The following HPS3 variants were observed in gnomAD, a reference collection of about 807,000 sequenced individuals.
The protein encoded by HPS3 is HPS3 biogenesis of lysosomal organelles complex 2 subunit 1.
A neutral mutation model predicts 110.9 loss-of-function variants in HPS3; 79 were observed. That is an observed-to-expected ratio of 0.71 (90% CI 0.59 to 0.86). HPS3 has a LOEUF of 0.86. Among genes scored for constraint, HPS3 ranks in the 40% least tolerant of loss-of-function variants. The pLI, the probability that HPS3 is intolerant of heterozygous loss-of-function variation, is 0.00. For missense variants in HPS3, 1,197 were observed against 1,206.2 expected, an observed-to-expected ratio of 0.99 and a Z score of 0.11; for synonymous variants, 428 against 451.0, an observed-to-expected ratio of 0.95 and a Z score of 0.65.
chr3:149,153,552 T>G lies in HPS3; in HGVS notation c.1304T>G (p.Leu435Trp). The G allele has an allele frequency of 6.2e-7, 1 of 1,614,012 alleles. No individual in the cohort carries two copies. Among genetic ancestry groups the G allele is most frequent in the Middle Eastern group, 1.6e-4 (1 of 6,062 alleles). The change falls in exon 7 of 17, where the codon TTG becomes TGG. Residue 435 changes from leucine to tryptophan, a missense_variant. Coordinates refer to ENST00000296051, the MANE Select transcript of HPS3 (RefSeq NM_032383.5). ...TTAAGAATACAGCTTTTCATAGGCT[T>G]GAAAGCCATCTGTCACTTTAAAAAC... Reference protein sequence around the residue: ...CALRIQLFIGLKAICHFKNHI... With the variant: ...CALRIQLFIGWKAICHFKNHI...
intron 16 of HPS3, among the ~76,000 whole-genome samples, chr3:149,169,599 T>G (rs1229667518): frequency 6.6e-6 from 1 of 152,198 alleles, no homozygotes; most frequent in Non-Finnish European, 1.5e-5. Flanking sequence ...TCTCTACTCA[T>G]TAGATGCCAA....
rs201468240 is a variant in HPS3, at chr3:149,158,659, C to T, written c.1692-7C>T. 3 of 1,612,846 alleles carry T rather than the reference C, an allele frequency of 1.9e-6. No homozygotes were observed. The highest frequency in any genetic ancestry group is 2.5e-6 in the Non-Finnish European group (3 of 1,179,050). On this transcript the variant is annotated splice_polypyrimidine_tract_variant and splice_region_variant and intron_variant, in intron 9 of 16. Coordinates refer to ENST00000296051, the MANE Select transcript of HPS3 (RefSeq NM_032383.5). ...AAATTTGAGGTTTTTCATTTCCTTC[C>T]CTTTAGGCTTGACTCCCAGCATTCT...
At chr3:149,138,398 A>C (rs1372262254) in intron 1 of HPS3, among the ~76,000 whole-genome samples, 1 of 152,210 alleles carries the variant, frequency 6.6e-6, no homozygotes. Context: ...CATTTGGAAG[A>C]AGTGACATTA....
intron 6 of HPS3, among the ~76,000 whole-genome samples, chr3:149,151,996 C>T (rs1723159230): frequency 6.6e-6 from 1 of 152,116 alleles, no homozygotes; most frequent in South Asian, 2.1e-4. Flanking sequence ...TGTTTTATGG[C>T]AAGCATGGTC....
intron 1 of HPS3, 53 bp downstream of exon 1, chr3:149,129,993 A>G: frequency 1.3e-6 from 2 of 1,482,868 alleles, no homozygotes; most frequent in East Asian, 2.5e-5. Flanking sequence ...GAGGCCTCCT[A>G]GCTAGCGGAC....
At chr3:149,150,779 A>T in intron 6 of HPS3, 99 bp downstream of exon 6, 1 of 936,122 alleles carries the variant, frequency 1.1e-6, no homozygotes, top group South Asian at 1.3e-5. Context: ...GCAAGAACAA[A>T]AGAGCTTAAG....
rs149706864 is a variant in HPS3 at position 149,130,633 on chromosome 3, A to G, written c.217+693A>G. Among the ~76,000 whole-genome samples the G allele has an allele frequency of 4.2e-3, 639 of 152,246 alleles. 2 individuals are homozygous for G. Among genetic ancestry groups the G allele is most frequent in the Middle Eastern group, 6.8e-3 (2 of 294 alleles). Reference sequence around the variant, plus strand: ...CGTCTGTACTAAAAATACAAAAATTAGCCGGACGTGGTGGTGGGCGCCTGT... The same window carrying G: ...CGTCTGTACTAAAAATACAAAAATTGGCCGGACGTGGTGGTGGGCGCCTGT... On this transcript the variant is annotated intron_variant, in intron 1 of 16. Coordinates refer to ENST00000296051, the MANE Select transcript of HPS3 (RefSeq NM_032383.5).
intron 16 of HPS3, among the ~76,000 whole-genome samples, chr3:149,170,017 A>G (rs1724817682): frequency 6.6e-6 from 1 of 152,098 alleles, no homozygotes; most frequent in South Asian, 2.1e-4. Context: ...CTTAGCCTCA[A>G]TTTTCCCAAC....
rs760577035 is a variant in HPS3, at chr3:149,141,032, T to TA, written c.728_729insA (p.Ser244PhefsTer4). ...TTTTTTTAAGGCATCAGTAATGAAATTTCACAGCTTGAGTCAGATGATTTT... is the reference window on the plus strand; with the variant it reads ...TTTTTTTAAGGCATCAGTAATGAAATATTCACAGCTTGAGTCAGATGATTTT... On this transcript the variant is annotated frameshift_variant, in exon 3 of 17. Transcript: ENST00000296051. LOFTEE classifies it high-confidence loss of function. 12 of 1,613,972 alleles carry TA rather than the reference T, an allele frequency of 7.4e-6. No individual in the cohort carries two copies. The highest frequency in any genetic ancestry group is 1.7e-5 in the Admixed American group (1 of 60,004).
rs766446900 is a variant in HPS3 at position 149,141,172 on chromosome 3, C to T, written c.868C>T (p.Gln290Ter). 3.7e-6 allele frequency: 6 copies of T among 1,609,894 alleles called. No homozygotes were observed. In the South Asian group the frequency reaches 6.6e-5, roughly 18 times the overall value. ...ADEKRKYSHF[Q>*]HLLYRRFAPD... ...TGAAAAAAGAAAATATTCCCACTTTCAGCACCTGCTCTATAGGTATTATAG... is the reference window on the plus strand; with the variant it reads ...TGAAAAAAGAAAATATTCCCACTTTTAGCACCTGCTCTATAGGTATTATAG... Residue 290 changes from glutamine (Q) to a stop codon, truncating the protein, a stop_gained, in exon 3 of 17, where the codon CAG becomes TAG. Coordinates refer to ENST00000296051, the MANE Select transcript of HPS3 (RefSeq NM_032383.5). LOFTEE classifies it high-confidence loss of function.
intron 8 of HPS3, 27 bp from the exon 9 acceptor site, chr3:149,157,323 A>C (rs372018952): frequency 1.3e-6 from 2 of 1,596,680 alleles, no homozygotes; most frequent in South Asian, 2.2e-5. Context: ...CTCTTCAGCA[A>C]CATTAGTGTT....
At chr3:149,130,779 A>G (rs1294877483) in intron 1 of HPS3, among the ~76,000 whole-genome samples, 1 of 151,958 alleles carries the variant, frequency 6.6e-6, no homozygotes, top group Non-Finnish European at 1.5e-5. Flanking sequence ...AAACAAAAAC[A>G]AACAGTTGTA....
At chr3:149,153,867 G>T in intron 7 of HPS3, 1 of 577,124 alleles carries the variant, frequency 1.7e-6, no homozygotes, top group Non-Finnish European at 3.1e-6. Flanking sequence ...TTATAAAATA[G>T]TTTCAGTAAA....
At chr3:149,152,846 T>G (rs974664263) in intron 6 of HPS3, among the ~76,000 whole-genome samples, 4 of 152,208 alleles carry the variant, frequency 2.6e-5, no homozygotes, top group African/African-American at 7.2e-5. Context: ...ATTAGTTTTC[T>G]TATTCATTCT....
intron 11 of HPS3, among the ~76,000 whole-genome samples, chr3:149,161,825 G>T (rs552134799): frequency 6.6e-6 from 1 of 152,014 alleles, no homozygotes; most frequent in African/African-American, 2.4e-5. Context: ...GAATATTTTT[G>T]ATCTGTGGTT....
chr3:149,142,424 G>A (rs768427763), intron 4 of HPS3, among the ~76,000 whole-genome samples: 94 of 152,220 alleles, frequency 6.2e-4, no homozygotes, highest in Non-Finnish European at 1.2e-3. Context: ...GCCACACAAT[G>A]GGCTTACCTG....
At chr3:149,156,050 A>G (rs1559918383) in intron 8 of HPS3, among the ~76,000 whole-genome samples, 1 of 152,116 alleles carries the variant, frequency 6.6e-6, no homozygotes, top group East Asian at 1.9e-4. Flanking sequence ...CTCTTTTTTA[A>G]AAAAGAAGAA....
rs1254366266 is a variant in HPS3 at position 149,145,371 on chromosome 3, G to A, written c.988G>A (p.Gly330Arg). 1.2e-6 allele frequency: 2 copies of A among 1,613,398 alleles called. No individual in the cohort carries two copies. Among genetic ancestry groups the A allele is most frequent in the Non-Finnish European group, 1.7e-6 (2 of 1,179,532 alleles). ...IYQTGSLTSD[G>R]KNLSQEKELL... ...GCATGCAGGTTCTCTTACATCTGAT[G>A]GAAAAAATTTGTCTCAGGAAAAAGA... Residue 330 changes from glycine to arginine, a missense_variant, in exon 5 of 17, where the codon GGA becomes AGA. Coordinates refer to ENST00000296051, the MANE Select transcript of HPS3 (RefSeq NM_032383.5).
intron 1 of HPS3, among the ~76,000 whole-genome samples, chr3:149,134,722 TG>T (rs1175126890): frequency 6.6e-6 from 1 of 152,272 alleles, no homozygotes; most frequent in East Asian, 1.9e-4. Context: ...TGAGTAGCAT[TG>T]TAACCTCATT....
Sources: allele counts gnomAD v4.1 joint callset (sites outside exome capture counted in the v4.1 genomes callset), GRCh38; gene constraint gnomAD v4.1.1; transcripts MANE v1.5; gene names NCBI Gene and HGNC (gene_info 2026-07-23, HGNC 2026-07-21).